Variants in SERP2 observed in about 807,000 individuals in gnomAD.
The protein encoded by SERP2 is stress-associated endoplasmic reticulum protein 2.
Under a neutral mutation model 9.1 loss-of-function variants are expected in SERP2, and 6 were observed. The ratio of observed to expected loss-of-function variants is 0.66; its 90% confidence interval spans 0.36 to 1.30. SERP2 has a LOEUF of 1.30. Ranked by LOEUF, SERP2 falls within the 50% of genes most tolerant of loss-of-function variation. The pLI is 0.03. For synonymous variants in SERP2, 37 were observed against 27.3 expected (o/e 1.35, Z -1.10); for missense variants, 58 against 81.9 (o/e 0.71, Z 1.13).
At chr13:44,383,731 T>G (rs1314856762) in intron 2 of SERP2, among the ~76,000 whole-genome samples, 2 of 151,186 alleles carry the variant, frequency 1.3e-5, no homozygotes, top group East Asian at 1.9e-4. Flanking sequence ...TTTTTTTTTT[T>G]TAGTAGTGAC....
intron 1 of SERP2, among the ~76,000 whole-genome samples, chr13:44,375,789 G>C (rs1595046456): frequency 6.6e-6 from 1 of 152,210 alleles, no homozygotes; most frequent in African/African-American, 2.4e-5. Context: ...TATCTATTAG[G>C]TTCTGTAGAC....
At chr13:44,376,161 T>C (rs1871636388) in intron 1 of SERP2, among the ~76,000 whole-genome samples, 2 of 152,262 alleles carry the variant, frequency 1.3e-5, no homozygotes, top group African/African-American at 2.4e-5. Context: ...TGGGGGGATT[T>C]TGGTTAATGT....
intron 2 of SERP2, chr13:44,390,576 A>C (rs1799420888): frequency 2.6e-6 from 1 of 379,334 alleles, no homozygotes; most frequent in Non-Finnish European, 5.3e-6. Context: ...CAGCTCCCTT[A>C]AGGTGACCTG....
intron 2 of SERP2, among the ~76,000 whole-genome samples, chr13:44,380,599 C>G (rs941754881): frequency 6.6e-6 from 1 of 152,178 alleles, no homozygotes; most frequent in African/African-American, 2.4e-5. Flanking sequence ...AGAGACCACT[C>G]TTCCAAAGAA....
intron 2 of SERP2, among the ~76,000 whole-genome samples, chr13:44,386,380 G>T (rs940984753): frequency 1.3e-5 from 2 of 152,098 alleles, no homozygotes; most frequent in Non-Finnish European, 2.9e-5. Context: ...TGTTTAATTT[G>T]ATAACCAGTG....
chr13:44,383,696 C>CA (rs917636191), intron 2 of SERP2, among the ~76,000 whole-genome samples: 20 of 151,472 alleles, frequency 1.3e-4, no homozygotes, highest in African/African-American at 4.9e-4. Flanking sequence ...TGCAAGCACG[C>CA]ACCACCATGC....
chr13:44,378,890 C>G (rs1054113529), intron 1 of SERP2, among the ~76,000 whole-genome samples: 1 of 152,100 alleles, frequency 6.6e-6, no homozygotes, highest in African/African-American at 2.4e-5. Flanking sequence ...TTGACAGTCC[C>G]CTTCTGCTTC....
intron 2 of SERP2, among the ~76,000 whole-genome samples, chr13:44,396,789 G>A (rs948172918): frequency 6.6e-6 from 1 of 152,266 alleles, no homozygotes; most frequent in African/African-American, 2.4e-5. Flanking sequence ...CGCATGGAGG[G>A]TTCTAGGCAG....
chr13:44,381,050 T>C (rs1487630778), intron 2 of SERP2, among the ~76,000 whole-genome samples: 1 of 152,170 alleles, frequency 6.6e-6, no homozygotes, highest in Non-Finnish European at 1.5e-5. Context: ...ATGTGGTTTC[T>C]AGACTCCTCT....
intron 1 of SERP2, 90 bp from the exon 2 acceptor site, chr13:44,379,551 C>T (rs1871842889): frequency 1.1e-6 from 1 of 908,386 alleles, no homozygotes; most frequent in Admixed American, 2.1e-5. Context: ...GCAGTAGAAT[C>T]CCCAGCACCT....
At chr13:44,390,054 T>C (rs921633496) in intron 2 of SERP2, among the ~76,000 whole-genome samples, 2 of 152,238 alleles carry the variant, frequency 1.3e-5, no homozygotes, top group Non-Finnish European at 2.9e-5. Context: ...TGTTTTCCAT[T>C]ACCCTGCATT....
intron 2 of SERP2, among the ~76,000 whole-genome samples, chr13:44,391,822 A>C (rs1004435623): frequency 6.6e-6 from 1 of 151,692 alleles, no homozygotes; most frequent in African/African-American, 2.4e-5. Flanking sequence ...TGATCAAAGA[A>C]GGCTTCTCTG....
chr13:44,379,739 T>A, intron 2 of SERP2, 26 bp downstream of exon 2: 1 of 1,512,126 alleles, frequency 6.6e-7, no homozygotes, highest in Non-Finnish European at 9.1e-7. Context: ...TGAACTTATA[T>A]CCCATGTTCT....
chr13:44,374,181 G>GC, intron 1 of SERP2, 72 bp downstream of exon 1: 5 of 448,626 alleles, frequency 1.1e-5, no homozygotes, highest in South Asian at 3.4e-5. Context: ...TGGGGGCGGG[G>GC]CCGGGCGGGT....
intron 1 of SERP2, among the ~76,000 whole-genome samples, chr13:44,378,122 T>A (rs555776283): frequency 2.4e-4 from 36 of 152,362 alleles, no homozygotes; most frequent in Admixed American, 9.8e-4. Context: ...TTATCTATGA[T>A]AAAATAAATT....
chr13:44,395,603 C>CAAA (rs369797464), intron 2 of SERP2, among the ~76,000 whole-genome samples: 2 of 51,076 alleles, frequency 3.9e-5, no homozygotes, highest in Non-Finnish European at 4.0e-5. Context: ...GACTCCGTCT[C>CAAA]AAAAAAAAAA....
intron 2 of SERP2, among the ~76,000 whole-genome samples, chr13:44,389,283 T>C (rs1232404203): frequency 6.6e-6 from 1 of 152,172 alleles, no homozygotes; most frequent in African/African-American, 2.4e-5. Flanking sequence ...TGAAACCACC[T>C]ACTAGCTATG....
At position 44,397,588 on chromosome 13, in the gene SERP2, GT is replaced by G; in HGVS notation, c.*281del. 2.0e-6 allele frequency: 1 copy of G among 492,358 alleles called. No individual in the cohort carries two copies. The highest frequency in any genetic ancestry group is 2.2e-5 in the South Asian group (1 of 45,686). 30.5% of individuals were successfully genotyped at this position (492,358 alleles called of 1,614,324 possible). A position where few individuals can be genotyped will look rare whatever the true frequency, so the allele number is the denominator to read the frequency against. On this transcript the variant is annotated 3_prime_UTR_variant, in exon 3 of 3. Coordinates refer to ENST00000379179, the MANE Select transcript of SERP2 (RefSeq NM_001010897.3). ...CGTCCGCAGCAGTGCTGTTTTTTTG[GT>G]TTTTCCCTTGGTTTCACTAATGCGT...
chr13:44,377,568 C>T (rs771119240), intron 1 of SERP2, among the ~76,000 whole-genome samples: 1 of 152,192 alleles, frequency 6.6e-6, no homozygotes, highest in Non-Finnish European at 1.5e-5. Flanking sequence ...GAGCAGCCAC[C>T]GATTCCTTTG....
Sources: gnomAD v4.1 joint callset for allele counts (sites outside exome capture counted in the v4.1 genomes callset) on GRCh38, gnomAD v4.1.1 for gene constraint, MANE v1.5 for transcripts, NCBI Gene and HGNC (gene_info 2026-07-23, HGNC 2026-07-21) for gene names.